The following MRPL37 variants were observed in gnomAD, a reference collection of about 807,000 sequenced individuals.
MRPL37 encodes the protein mitochondrial ribosomal protein L37.
In MRPL37, 34 loss-of-function variants were observed where a neutral mutation model predicts 44.1. That is an observed-to-expected ratio of 0.77 (90% CI 0.59 to 1.03). MRPL37 has a LOEUF of 1.03. MRPL37 is among the 50% of genes least tolerant of loss of function. The pLI is 0.00. For synonymous variants in MRPL37, 212 were observed against 219.5 expected, an observed-to-expected ratio of 0.97 and a Z score of 0.30; for missense variants, 532 against 543.7, an observed-to-expected ratio of 0.98 and a Z score of 0.21.
chr1:54,216,473 C>T, intron 6 of MRPL37, 129 bp downstream of exon 6: 27 of 1,098,626 alleles, frequency 2.5e-5, no homozygotes, highest in Non-Finnish European at 3.5e-5. Flanking sequence ...CACCCGGGAT[C>T]TCTGCCTGGA....
At chr1:54,217,042 A>G (rs184263517) in intron 6 of MRPL37, among the ~76,000 whole-genome samples, 16 of 152,284 alleles carry the variant, frequency 1.1e-4, no homozygotes, top group African/African-American at 2.9e-4. Context: ...AGCAGTATCT[A>G]AATAAATTCC....
chr1:54,224,422 T>C (rs549340660), downstream of MRPL37, among the ~76,000 whole-genome samples: 1 of 152,280 alleles, frequency 6.6e-6, no homozygotes, highest in Admixed American at 6.5e-5. Context: ...GGCACTGTTC[T>C]AAGCACTTCA....
At chr1:54,218,738 G>A (rs1426529834), downstream of MRPL37, among the ~76,000 whole-genome samples, 1 of 152,190 alleles carries the variant, frequency 6.6e-6, no homozygotes, top group African/African-American at 2.4e-5. Flanking sequence ...GGTTAATGGG[G>A]CAAGTACACC....
intron 1 of MRPL37, among the ~76,000 whole-genome samples, chr1:54,202,655 C>T (rs1473442523): frequency 6.6e-6 from 1 of 152,206 alleles, no homozygotes. Context: ...CACATGCTGT[C>T]ATGCCTGGCT....
Position 54,216,154 on chromosome 1 carries a change from T to G in MRPL37, c.1004T>G (p.Val335Gly). ...ARLLYGNDAKVLEQPVVVQSV... is the reference protein window; with the variant it reads ...ARLLYGNDAKGLEQPVVVQSV... ...TTTTCCTCTCAGAATGATGCCAAGGTCTTGGAGCAGCCCGTGGTGGTGCAG... is the reference window on the plus strand; with the variant it reads ...TTTTCCTCTCAGAATGATGCCAAGGGCTTGGAGCAGCCCGTGGTGGTGCAG... The change falls in exon 6 of 7, where the codon GTC becomes GGC. Residue 335 changes from valine (V) to glycine (G), a missense_variant. By Grantham distance (109) the Val-to-Gly change is moderately radical (BLOSUM62 -3). Coordinates refer to ENST00000360840, the MANE Select transcript of MRPL37 (RefSeq NM_016491.4). 1 of 1,614,202 alleles carries G rather than the reference T, an allele frequency of 6.2e-7. No homozygotes were observed. The highest frequency in any genetic ancestry group is 8.5e-7 in the Non-Finnish European group (1 of 1,180,042).
downstream of MRPL37, among the ~76,000 whole-genome samples, chr1:54,222,296 T>C (rs1018081701): frequency 1.3e-5 from 2 of 152,012 alleles, no homozygotes; most frequent in East Asian, 1.9e-4. Flanking sequence ...GGAGGGGCCA[T>C]CTGAGCTAGG....
intron 4 of MRPL37, among the ~76,000 whole-genome samples, chr1:54,211,490 C>CTT (rs11405348): frequency 4.3e-4 from 64 of 148,688 alleles, no homozygotes; most frequent in Non-Finnish European, 5.2e-4. Context: ...TTCCTAGCCT[C>CTT]TTTTTTTTTT....
downstream of MRPL37, among the ~76,000 whole-genome samples, chr1:54,223,351 C>CTG (rs756303722): frequency 1.9e-4 from 29 of 152,198 alleles, no homozygotes; most frequent in Non-Finnish European, 2.9e-4. Context: ...TCTGAGGGAC[C>CTG]CCAGGTATGT....
intron 5 of MRPL37, among the ~76,000 whole-genome samples, chr1:54,213,331 G>T (rs1644177277): frequency 6.6e-6 from 1 of 152,244 alleles, no homozygotes; most frequent in Non-Finnish European, 1.5e-5. Flanking sequence ...CAGATCCCTG[G>T]TTTGGGGTGT....
intron 4 of MRPL37, among the ~76,000 whole-genome samples, 157 bp from the exon 5 acceptor site, chr1:54,212,344 T>C (rs1452622724): frequency 2.0e-5 from 3 of 152,240 alleles, no homozygotes; most frequent in Non-Finnish European, 4.4e-5. Context: ...GCCAGCAAGC[T>C]GAAGTTTGCC....
intron 5 of MRPL37, among the ~76,000 whole-genome samples, chr1:54,213,158 T>C (rs1166670354): frequency 6.6e-6 from 1 of 152,234 alleles, no homozygotes; most frequent in African/African-American, 2.4e-5. Flanking sequence ...TCGTTGGTGT[T>C]ATCCCCTGAT....
intron 6 of MRPL37, among the ~76,000 whole-genome samples, chr1:54,216,677 G>A (rs1644200158): frequency 6.6e-6 from 1 of 152,092 alleles, no homozygotes; most frequent in South Asian, 2.1e-4. Flanking sequence ...CCCCATTACT[G>A]TTTGTCAGGC....
intron 4 of MRPL37, among the ~76,000 whole-genome samples, chr1:54,211,991 G>A (rs1165166243): frequency 6.6e-6 from 1 of 152,216 alleles, no homozygotes; most frequent in Non-Finnish European, 1.5e-5. Context: ...TGTGAATGAT[G>A]AGGCAAGTCA....
rs776194008 is a variant in MRPL37 at position 54,200,487 on chromosome 1, T to G, written c.244T>G (p.Tyr82Asp). 6.2e-7 allele frequency: 1 copy of G among 1,614,222 alleles called. No individual in the cohort carries two copies. The highest frequency in any genetic ancestry group is 1.1e-5 in the South Asian group (1 of 91,088). Residue 82 changes from tyrosine (Y) to aspartate (D), a missense_variant, in exon 1 of 7, where the codon TAC becomes GAC. Tyr to Asp is a radical substitution (Grantham distance 160). Coordinates refer to ENST00000360840, the MANE Select transcript of MRPL37 (RefSeq NM_016491.4). ...RPIFPPWDRG[Y>D]KDPRFYRSPP... is the part of the protein sequence containing the mutation. Reference sequence around the variant, plus strand: ...GATCTTTCCGCCCTGGGACCGCGGCTACAAGGACCCAAGGTTCTACCGCTC... The same window carrying G: ...GATCTTTCCGCCCTGGGACCGCGGCGACAAGGACCCAAGGTTCTACCGCTC...
At chr1:54,220,881 G>A (rs1377072197), downstream of MRPL37, 4 of 452,580 alleles carry the variant, frequency 8.8e-6, no homozygotes, top group Admixed American at 2.4e-5. Flanking sequence ...CATTGTGAAC[G>A]TATTTCTCAC....
downstream of MRPL37, chr1:54,218,527 A>C: frequency 1.4e-6 from 1 of 709,876 alleles, no homozygotes; most frequent in Non-Finnish European, 2.1e-6. Context: ...GTCTCTTTCC[A>C]TTTCTTCATC....
chr1:54,202,694 G>T (rs1341699300), intron 1 of MRPL37, among the ~76,000 whole-genome samples: 1 of 151,884 alleles, frequency 6.6e-6, no homozygotes, highest in African/African-American at 2.4e-5. Context: ...TGTAGAGATG[G>T]GGTTACACCA....
chr1:54,224,123 G>A (rs541195979), downstream of MRPL37, among the ~76,000 whole-genome samples: 4 of 152,260 alleles, frequency 2.6e-5, no homozygotes, highest in African/African-American at 7.2e-5. Flanking sequence ...CACAGGTATC[G>A]GATGGATATC....
In MRPL37 at chr1:54,200,445, C is replaced by A; in HGVS notation, c.202C>A (p.Pro68Thr). ...ITFAGKMHFVPWLARPIFPPW... is the reference protein window; with the variant it reads ...ITFAGKMHFVTWLARPIFPPW... ...CTTTGCGGGGAAGATGCACTTCGTG[C>A]CCTGGCTGGCGCGGCCGATCTTTCC... The change falls in exon 1 of 7, where the codon CCC becomes ACC. Residue 68 changes from proline to threonine, a missense_variant. Transcript: ENST00000360840. 6.2e-7 allele frequency: 1 copy of A among 1,614,264 alleles called. No homozygotes were observed.
Sources: allele counts gnomAD v4.1 joint callset (sites outside exome capture counted in the v4.1 genomes callset), GRCh38; gene constraint gnomAD v4.1.1; transcripts MANE v1.5; gene names NCBI Gene and HGNC (gene_info 2026-07-23, HGNC 2026-07-21).